MSI2: variants seen among roughly 807,000 people sequenced by gnomAD.
The protein encoded by MSI2 is musashi RNA binding protein 2.
A neutral mutation model predicts 45.6 loss-of-function variants in MSI2; 17 were observed. The ratio of observed to expected loss-of-function variants is 0.37; its 90% CI spans 0.26 to 0.56. The LOEUF (loss-of-function observed/expected upper bound fraction) is 0.56. Among genes scored for constraint, MSI2 ranks in the 20% least tolerant of loss-of-function variants. The probability of loss-of-function intolerance (pLI) is 0.77; values close to 1 mark genes in which losing one functional copy is unlikely to be tolerated. For missense variants in MSI2, 293 were observed against 444.2 expected (o/e 0.66, Z 3.06); for synonymous variants, 156 against 158.2 (o/e 0.99, Z 0.11).
chr17:57,275,721 A>C (rs1472048399), intron 5 of MSI2, among the ~76,000 whole-genome samples: 1 of 152,184 alleles, frequency 6.6e-6, no homozygotes, highest in Non-Finnish European at 1.5e-5. Context: ...TGTGAATGTT[A>C]GTGTGTAGAG....
At chr17:57,427,064 G>A (rs2084506464) in intron 6 of MSI2, among the ~76,000 whole-genome samples, 1 of 152,222 alleles carries the variant, frequency 6.6e-6, no homozygotes, top group South Asian at 2.1e-4. Context: ...GTTTCTCATT[G>A]AGAGAAGCTC....
At chr17:57,438,028 G>A (rs755625002) in intron 6 of MSI2, among the ~76,000 whole-genome samples, 17 of 152,196 alleles carry the variant, frequency 1.1e-4, no homozygotes, top group Non-Finnish European at 2.2e-4. Context: ...CAAGAGAGAA[G>A]GGGACCTTAT....
At chr17:57,634,538 C>T (rs1049109439) in intron 10 of MSI2, among the ~76,000 whole-genome samples, 1 of 151,992 alleles carries the variant, frequency 6.6e-6, no homozygotes, top group Non-Finnish European at 1.5e-5. Flanking sequence ...TCAGAGTGCC[C>T]TCTAGAGAAG....
chr17:57,619,900 G>A, intron 9 of MSI2, among the ~76,000 whole-genome samples: 1 of 152,228 alleles, frequency 6.6e-6, no homozygotes, highest in Non-Finnish European at 1.5e-5. Context: ...TATTGTTGCA[G>A]TTCAGAGCCT....
chr17:57,397,687 C>T (rs2091833253), intron 5 of MSI2, among the ~76,000 whole-genome samples: 1 of 152,200 alleles, frequency 6.6e-6, no homozygotes, highest in African/African-American at 2.4e-5. Flanking sequence ...ATGCTGGCAG[C>T]ATTCTCAAAG....
chr17:57,316,013 CATT>C (rs942642004), intron 5 of MSI2, among the ~76,000 whole-genome samples: 3 of 151,882 alleles, frequency 2.0e-5, no homozygotes, highest in African/African-American at 7.3e-5. Flanking sequence ...TCATCATCAT[CATT>C]ATTATGGAAT....
intron 10 of MSI2, among the ~76,000 whole-genome samples, chr17:57,637,033 C>T (rs908067253): frequency 6.6e-6 from 1 of 152,214 alleles, no homozygotes; most frequent in Non-Finnish European, 1.5e-5. Flanking sequence ...GTCTCATCAC[C>T]AGCCCTCTAA....
At chr17:57,663,654 G>C (rs1912165624) in intron 11 of MSI2, among the ~76,000 whole-genome samples, 1 of 152,234 alleles carries the variant, frequency 6.6e-6, no homozygotes, top group Non-Finnish European at 1.5e-5. Flanking sequence ...CAGCAAAGCA[G>C]ACACTATGGA....
intron 5 of MSI2, among the ~76,000 whole-genome samples, chr17:57,336,964 C>G (rs1014153786): frequency 6.6e-6 from 1 of 152,086 alleles, no homozygotes; most frequent in Admixed American, 6.6e-5. Context: ...GAAGACATGG[C>G]CAAGCAGGAG....
intron 6 of MSI2, among the ~76,000 whole-genome samples, chr17:57,461,932 A>G (rs898821535): frequency 3.3e-5 from 5 of 152,052 alleles, no homozygotes; most frequent in Admixed American, 2.0e-4. Context: ...TTTCTGTATT[A>G]GTTTCCTAGG....
At chr17:57,257,003 G>T in intron 1 of MSI2, 95 bp from the exon 2 acceptor site, 1 of 1,554,312 alleles carries the variant, frequency 6.4e-7, no homozygotes, top group Non-Finnish European at 8.7e-7. Context: ...TCGCTCGCTC[G>T]CTCCCCCCCG....
intron 4 of MSI2, among the ~76,000 whole-genome samples, chr17:57,260,595 G>C (rs1907217152): frequency 6.6e-6 from 1 of 152,162 alleles, no homozygotes; most frequent in Admixed American, 6.5e-5. Flanking sequence ...TATTTCTCTT[G>C]TAGACAAGCG....
At position 57,596,686 on chromosome 17, in the gene MSI2, AGG is replaced by A. The variant is rs1905273121; in HGVS notation, c.455-180_455-179del. On this transcript the variant is annotated intron_variant, in intron 7 of 13. Coordinates refer to ENST00000284073, the MANE Select transcript of MSI2 (RefSeq NM_138962.4). The surrounding 1 kb of genome is among the most constrained non-coding windows in gnomAD (Gnocchi z 4.6). ...TCATTAACTTTTCCTCGCTGTCGGA[AGG>A]GTGCTCAGTACAAATTAGAAATCAT... 6.6e-6 allele frequency among the ~76,000 whole-genome samples: 1 copy of A among 152,218 alleles called. No individual in the cohort carries two copies. The highest frequency in any genetic ancestry group is 6.5e-5 in the Admixed American group (1 of 15,278).
At chr17:57,335,674 C>T (rs1048481161) in intron 5 of MSI2, among the ~76,000 whole-genome samples, 5 of 152,240 alleles carry the variant, frequency 3.3e-5, no homozygotes, top group Admixed American at 2.6e-4. Flanking sequence ...AGTCAATTAG[C>T]GATAAGTGCT....
At chr17:57,484,313 C>T (rs923434535) in intron 6 of MSI2, among the ~76,000 whole-genome samples, 1 of 152,180 alleles carries the variant, frequency 6.6e-6, no homozygotes, top group African/African-American at 2.4e-5. Context: ...CATGTCTGTA[C>T]CTCCACCCTT....
chr17:57,671,921 T>C (rs961464450), intron 11 of MSI2, among the ~76,000 whole-genome samples: 2 of 152,220 alleles, frequency 1.3e-5, no homozygotes, highest in Non-Finnish European at 2.9e-5. Context: ...CTGGTTCTTC[T>C]GCTCACAGAG....
chr17:57,456,881 G>A lies in MSI2; in HGVS notation c.405+55410G>A, dbSNP rs1450105548. Among the ~76,000 whole-genome samples, 3 of 152,166 alleles carry A rather than the reference G, an allele frequency of 2.0e-5. No individual in the cohort carries two copies. In the East Asian group the frequency reaches 5.8e-4, roughly 29 times the overall value. ...GGAGAACTTATCTGAATGGGCCAAG[G>A]CTCTTTGAGTTGGGAGCAAGGCGTA... On this transcript the variant is annotated intron_variant, in intron 6 of 13. Transcript: ENST00000284073.
intron 5 of MSI2, among the ~76,000 whole-genome samples, chr17:57,311,747 G>A (rs1912418940): frequency 1.3e-5 from 2 of 152,100 alleles, no homozygotes; most frequent in Non-Finnish European, 2.9e-5. Flanking sequence ...GCAGAAATGG[G>A]GTCTTGCTAT....
At chr17:57,313,315 G>A (rs1168476731) in intron 5 of MSI2, among the ~76,000 whole-genome samples, 1 of 152,168 alleles carries the variant, frequency 6.6e-6, no homozygotes, top group African/African-American at 2.4e-5. Context: ...GTCCACACTC[G>A]GAAGATGGTA....
Sources: allele counts gnomAD v4.1 joint callset (sites outside exome capture counted in the v4.1 genomes callset), GRCh38; gene constraint gnomAD v4.1.1; non-coding constraint Gnocchi (gnomAD v3.1); transcripts MANE v1.5; gene names NCBI Gene and HGNC (gene_info 2026-07-23, HGNC 2026-07-21).